AZI2: variants seen among roughly 807,000 people sequenced by gnomAD.
AZI2 encodes the protein 5-azacytidine-induced protein 2.
In AZI2, 22 loss-of-function variants were observed where a neutral mutation model predicts 45.8. The ratio of observed to expected loss-of-function variants is 0.48; its 90% CI spans 0.34 to 0.69. AZI2 has a LOEUF of 0.69. Among genes scored for constraint, AZI2 ranks in the 30% least tolerant of loss-of-function variants. AZI2 has a pLI of 0.01. For missense variants in AZI2, 417 were observed against 441.5 expected, an observed-to-expected ratio of 0.94 and a Z score of 0.50; for synonymous variants, 137 against 156.7, an observed-to-expected ratio of 0.87 and a Z score of 0.94.
In AZI2 at chr3:28,324,361, G is replaced by A; in HGVS notation, c.860C>T (p.Pro287Leu). The A allele has an allele frequency of 1.9e-6, 3 of 1,593,940 alleles. No homozygotes were observed. The highest frequency in any genetic ancestry group is 2.2e-5 in the East Asian group (1 of 44,660). The change falls in exon 8 of 8, where the codon CCT (proline) becomes CTT (leucine). Residue 287 changes from proline (P) to leucine (L), a missense_variant. Physicochemically the swap from Pro to Leu is moderately conservative, Grantham distance 98. Coordinates refer to ENST00000479665, the MANE Select transcript of AZI2 (RefSeq NM_022461.5). Reference sequence around the variant, plus strand: ...AAGAGCTTTGCCATTTGGTAAGAGAGGGGGATGTCTTGTGTATGTTGCAGT... The same window carrying A: ...AAGAGCTTTGCCATTTGGTAAGAGAAGGGGATGTCTTGTGTATGTTGCAGT... ...NFTATYTRHP[P>L]LLPNGKALCH... is the part of the protein sequence containing the mutation.
intron 2 of AZI2, among the ~76,000 whole-genome samples, chr3:28,339,398 C>T (rs1341448077): frequency 6.6e-6 from 1 of 152,076 alleles, no homozygotes; most frequent in Admixed American, 6.6e-5. Flanking sequence ...CCAATGTTAA[C>T]TATACATAAA....
chr3:28,344,905 T>C (rs1704166788), intron 1 of AZI2, among the ~76,000 whole-genome samples: 1 of 152,064 alleles, frequency 6.6e-6, no homozygotes, highest in African/African-American at 2.4e-5. Context: ...TTAACAAACA[T>C]CAAAACACTG....
At chr3:28,335,410 T>G (rs964652597) in intron 5 of AZI2, among the ~76,000 whole-genome samples, 2 of 151,982 alleles carry the variant, frequency 1.3e-5, no homozygotes, top group African/African-American at 4.8e-5. Flanking sequence ...AACTGAGCTG[T>G]AGAACAGGAT....
intron 5 of AZI2, among the ~76,000 whole-genome samples, chr3:28,332,760 G>T (rs142316629): frequency 1.6e-3 from 242 of 151,782 alleles, no homozygotes; most frequent in East Asian, 0.013. Context: ...TTACACATTT[G>T]TCACATTTCT....
intron 7 of AZI2, 169 bp downstream of exon 7, chr3:28,326,663 G>A: frequency 2.9e-6 from 2 of 680,220 alleles, no homozygotes; most frequent in South Asian, 1.6e-5. Context: ...GTGTGAAGTT[G>A]ACCAGTATGA....
At chr3:28,347,519 G>T (rs1255358348) in intron 1 of AZI2, among the ~76,000 whole-genome samples, 1 of 152,152 alleles carries the variant, frequency 6.6e-6, no homozygotes, top group Non-Finnish European at 1.5e-5. Flanking sequence ...ATGCTTTGGT[G>T]CCTTAGAGTA....
chr3:28,336,940 A>T, intron 4 of AZI2, 55 bp from the exon 5 acceptor site: 1 of 1,543,602 alleles, frequency 6.5e-7, no homozygotes, highest in Non-Finnish European at 8.8e-7. Context: ...ATTGACTGCA[A>T]TTCTTAAAAA....
rs1329973878 is a variant in AZI2 at position 28,338,476 on chromosome 3, G to A, written c.339+17C>T. 9.3e-6 allele frequency: 14 copies of A among 1,511,910 alleles called. No individual in the cohort carries two copies. The highest frequency in any genetic ancestry group is 1.8e-5 in the Admixed American group (1 of 56,446). 93.7% of individuals were successfully genotyped at this position (1,511,910 alleles called of 1,614,324 possible). A position where few individuals can be genotyped will look rare whatever the true frequency, so the allele number is the denominator to read the frequency against. On this transcript the variant is annotated intron_variant, in intron 3 of 7. Transcript: ENST00000479665. ...CATTTCCAAAATGCAGATGTCATTC[G>A]CTTCAAATCAACTTACCATTTTGTC... is the stretch of plus-strand genomic sequence containing the variant.
intron 1 of AZI2, among the ~76,000 whole-genome samples, chr3:28,344,600 C>A (rs1479814440): frequency 6.6e-6 from 1 of 151,966 alleles, no homozygotes; most frequent in African/African-American, 2.4e-5. Context: ...GTGTGTGTAT[C>A]CAAATCAGCT....
At chr3:28,331,910 C>A in intron 6 of AZI2, 1 of 1,548,086 alleles carries the variant, frequency 6.5e-7, no homozygotes. Flanking sequence ...CATGCTATCC[C>A]ATGATTGCGC....
In AZI2 at chr3:28,328,504, T is replaced by C. The variant is rs145867097; in HGVS notation, c.648-1554A>G. Among the ~76,000 whole-genome samples, 45 of 151,238 alleles carry C rather than the reference T, an allele frequency of 3.0e-4. 2 individuals are homozygous for C. Among genetic ancestry groups the C allele is most frequent in the South Asian group, 1.2e-3 (6 of 4,820 alleles). Reference sequence around the variant, plus strand: ...TTTTAGAGAAAAGAAGAGCAAATACTGAAGACAGTTCTGAGTACTAAAATA... The same window carrying C: ...TTTTAGAGAAAAGAAGAGCAAATACCGAAGACAGTTCTGAGTACTAAAATA... On this transcript the variant is annotated intron_variant, in intron 6 of 7. Transcript: ENST00000479665.
At chr3:28,332,598 C>T (rs1282993260) in intron 5 of AZI2, among the ~76,000 whole-genome samples, 171 bp from the exon 6 acceptor site, 2 of 151,660 alleles carry the variant, frequency 1.3e-5, no homozygotes, top group Non-Finnish European at 3.0e-5. Context: ...CAATCTATAA[C>T]AAATATCTCT....
chr3:28,342,065 T>C (rs975163416), intron 1 of AZI2, among the ~76,000 whole-genome samples: 3 of 152,122 alleles, frequency 2.0e-5, no homozygotes, highest in African/African-American at 2.4e-5. Flanking sequence ...CCCTTTAACA[T>C]TTCTTTTGCC....
intron 1 of AZI2, among the ~76,000 whole-genome samples, chr3:28,343,067 A>C (rs1441083567): frequency 6.6e-6 from 1 of 152,116 alleles, no homozygotes; most frequent in East Asian, 1.9e-4. Flanking sequence ...CATTTTTATC[A>C]TGAAACAATC....
rs772960090 is a variant in AZI2 at position 28,338,587 on chromosome 3, C to G, written c.245G>C (p.Ser82Thr). 1.2e-6 allele frequency: 2 copies of G among 1,610,254 alleles called. No individual in the cohort carries two copies. The highest frequency in any genetic ancestry group is 4.5e-5 in the East Asian group (2 of 44,730). ...KLIARFEEETSSVGREQVNKA... is the reference protein window; with the variant it reads ...KLIARFEEETTSVGREQVNKA... ...ATTTACTTGTTCTCGTCCCACGGAA[C>G]TTGTTTCTTCTTCAAATCGAGCTAT... Residue 82 changes from serine (S) to threonine (T), a missense_variant, in exon 3 of 8, where the codon AGT becomes ACT. Physicochemically the swap from Ser to Thr is moderately conservative, Grantham distance 58. Transcript: ENST00000479665.
At position 28,324,280 on chromosome 3, in the gene AZI2, G is replaced by C; in HGVS notation, c.941C>G (p.Ala314Gly). 6.2e-7 allele frequency: 1 copy of C among 1,608,722 alleles called. No individual in the cohort carries two copies. Among genetic ancestry groups the C allele is most frequent in the Non-Finnish European group, 8.5e-7 (1 of 1,176,408 alleles). The change falls in exon 8 of 8, where the codon GCA becomes GGA. Residue 314 changes from alanine (A) to glycine (G), a missense_variant. Transcript: ENST00000479665. ...PGDVKVLSEK[A>G]ILQSWTDNER... ...ATTGTCTGTCCATGATTGGAGGATT[G>C]CTTTCTCTGATAAAACCTTTACATC...
Position 28,340,661 on chromosome 3 carries a change from A to G in AZI2, c.-5-39T>C, listed in dbSNP as rs543125113. On this transcript the variant is annotated intron_variant, in intron 1 of 7. Transcript: ENST00000479665. ...AAAAAATATGAGTGACAAATGTCTC[A>G]CTGAATAAGTGAAAAGGAAAAAAAG... The G allele has an allele frequency of 2.7e-6, 4 of 1,480,844 alleles. No individual in the cohort carries two copies. In the South Asian group the frequency reaches 5.0e-5, roughly 18 times the overall value. The allele number at this position is 1,480,844 out of a possible 1,614,324, so 91.7% of individuals were successfully genotyped here.
At chr3:28,333,594 T>C (rs1356355138) in intron 5 of AZI2, among the ~76,000 whole-genome samples, 1 of 151,780 alleles carries the variant, frequency 6.6e-6, no homozygotes, top group Non-Finnish European at 1.5e-5. Context: ...ATAAAAAAAT[T>C]TGACAGTTTG....
In AZI2 at chr3:28,345,718, T is replaced by C. The variant is rs577778934; in HGVS notation, c.-6+2883A>G. Among the ~76,000 whole-genome samples, 35 of 152,184 alleles carry C rather than the reference T, an allele frequency of 2.3e-4. No homozygotes were observed. The South Asian group carries it at 7.0e-3, about 31-fold the overall frequency. ...TATTTATTAGAATTATTTTAGAAGA[T>C]CTTAAATTTCAGTCTTCATCATGGC... On this transcript the variant is annotated intron_variant, in intron 1 of 7. Transcript: ENST00000479665.
Sources: allele counts gnomAD v4.1 joint callset (sites outside exome capture counted in the v4.1 genomes callset), GRCh38; gene constraint gnomAD v4.1.1; transcripts MANE v1.5; gene names NCBI Gene and HGNC (gene_info 2026-07-23, HGNC 2026-07-21).